The following IKBKB variants were observed in gnomAD, a reference collection of about 807,000 sequenced individuals.
IKBKB encodes the protein inhibitor of nuclear factor kappa B kinase subunit beta.
In IKBKB, 42 loss-of-function variants were observed where a neutral mutation model predicts 113.6. That is an observed-to-expected ratio of 0.37 (90% CI 0.29 to 0.48). The LOEUF (loss-of-function observed/expected upper bound fraction) is 0.48, where lower values mean the gene tolerates loss of function less well. IKBKB is among the 20% of genes least tolerant of loss of function. The pLI is 0.99. For synonymous variants in IKBKB, 296 were observed against 361.3 expected (o/e 0.82, Z 2.05); for missense variants, 673 against 939.7 (o/e 0.72, Z 3.71).
intron 2 of IKBKB, among the ~76,000 whole-genome samples, chr8:42,282,400 T>G (rs1563301814): frequency 6.6e-6 from 1 of 152,094 alleles, no homozygotes; most frequent in Non-Finnish European, 1.5e-5. Context: ...AGAGACAGAG[T>G]CTTGCCATAT....
At chr8:42,310,587 T>A (rs1431138021) in intron 8 of IKBKB, among the ~76,000 whole-genome samples, 1 of 152,246 alleles carries the variant, frequency 6.6e-6, no homozygotes, top group Non-Finnish European at 1.5e-5. Flanking sequence ...CAAAAAATTA[T>A]TATTTTGAAC....
rs977745627 is a variant in IKBKB at position 42,288,490 on chromosome 8, C to T, written c.106-144C>T. 17 of 552,244 alleles carry T rather than the reference C, an allele frequency of 3.1e-5. No individual in the cohort carries two copies. The South Asian group carries it at 3.1e-4, about 10-fold the overall frequency. The allele number at this position is 552,244 out of a possible 1,614,324, so 34.2% of individuals were successfully genotyped here. On this transcript the variant is annotated intron_variant, in intron 2 of 21. Transcript: ENST00000520810. ...CAAAGGGCAGGTGCTACGTGGCTGT[C>T]GATCAGGGTGTACATGTGACCTTGG...
At chr8:42,323,580 G>A (rs1820174097) in intron 19 of IKBKB, among the ~76,000 whole-genome samples, 1 of 152,200 alleles carries the variant, frequency 6.6e-6, no homozygotes, top group Non-Finnish European at 1.5e-5. Flanking sequence ...GAAGGAGAGA[G>A]GGAGATGGTT....
Position 42,288,649 on chromosome 8 carries a change from A to T in IKBKB, c.121A>T (p.Ile41Phe). 6.2e-7 allele frequency: 1 copy of T among 1,610,762 alleles called. No homozygotes were observed. The highest frequency in any genetic ancestry group is 8.5e-7 in the Non-Finnish European group (1 of 1,178,310). ...RWHNQETGEQ[I>F]AIKQCRQELS... ...GTTTCTGTAGGAAACAGGTGAGCAG[A>T]TTGCCATCAAGCAGTGCCGGCAGGA... The change falls in exon 3 of 22, where the codon ATT becomes TTT. Residue 41 changes from isoleucine to phenylalanine, a missense_variant. Transcript: ENST00000520810.
Position 42,326,002 on chromosome 8 carries a change from G to A in IKBKB, c.2019G>A (p.Pro673=), listed in dbSNP as rs145120893. Residue 673 remains proline (P), a synonymous_variant, in exon 20 of 22, where the codon CCG becomes CCA. Transcript: ENST00000520810. ...SKVRGPVSGS[P]DSMNASRLSQ... ...TCCGTGGTCCTGTCAGTGGAAGCCC[G>A]GATAGCATGAATGCCTCTCGACTTA... The A allele has an allele frequency of 1.3e-5, 21 of 1,614,186 alleles. No individual in the cohort carries two copies. Among genetic ancestry groups the A allele is most frequent in the East Asian group, 2.2e-5 (1 of 44,880 alleles).
chr8:42,291,568 G>A (rs1160692004), intron 4 of IKBKB, among the ~76,000 whole-genome samples: 2 of 152,208 alleles, frequency 1.3e-5, no homozygotes, highest in Non-Finnish European at 2.9e-5. Flanking sequence ...TAGTGGGGGC[G>A]GGAGCCCAGG....
chr8:42,280,179 A>G (rs970318684), intron 2 of IKBKB, among the ~76,000 whole-genome samples: 2 of 152,120 alleles, frequency 1.3e-5, no homozygotes, highest in Non-Finnish European at 2.9e-5. Flanking sequence ...CAAAACACTT[A>G]TAAGTCTTCC....
Position 42,316,191 on chromosome 8 carries a change from A to C in IKBKB, c.801-19A>C, listed in dbSNP as rs570415292. 6.2e-7 allele frequency: 1 copy of C among 1,613,262 alleles called. No homozygotes were observed. The highest frequency in any genetic ancestry group is 1.3e-5 in the African/African-American group (1 of 75,026). On this transcript the variant is annotated intron_variant, in intron 9 of 21. Transcript: ENST00000520810. This position sits in a 1 kb window ranked among gnomAD's most constrained non-coding sequence, Gnocchi z 4.5. ...ATTGGCTGGAAGTGTCTCCTCACAC[A>C]CTATGCTCCTCTCCACAGTGTCCTG...
intron 2 of IKBKB, among the ~76,000 whole-genome samples, chr8:42,286,090 TA>T (rs938988157): frequency 1.3e-5 from 2 of 152,058 alleles, no homozygotes; most frequent in South Asian, 2.1e-4. Context: ...ATAGAGCTGT[TA>T]AAAAAAAGTA....
chr8:42,320,608 C>G lies in IKBKB; in HGVS notation c.1579-127C>G, dbSNP rs1214906343. On this transcript the variant is annotated intron_variant, in intron 15 of 21. Transcript: ENST00000520810. ...CCATTCAGACCCCACAGTCCACATTCCTTTGAGCCAGTCCATTGAGGGTCC... is the reference window on the plus strand; with the variant it reads ...CCATTCAGACCCCACAGTCCACATTGCTTTGAGCCAGTCCATTGAGGGTCC... 3 of 755,078 alleles carry G rather than the reference C, an allele frequency of 4.0e-6. No individual in the cohort carries two copies. The African/African-American group carries it at 5.2e-5, about 13-fold the overall frequency. The allele number at this position is 755,078 out of a possible 1,614,324, so 46.8% of individuals were successfully genotyped here.
Position 42,271,437 on chromosome 8 carries a change from A to T in IKBKB, c.-51A>T. On this transcript the variant is annotated 5_prime_UTR_variant, in exon 1 of 22. Coordinates refer to ENST00000520810, the MANE Select transcript of IKBKB (RefSeq NM_001556.3). ...CAGCCCCGCCTTCCCCGCCCCGGGG[A>T]GCCCGCCCCCTGCCCCGCGTCCCTG... 1.9e-6 allele frequency: 2 copies of T among 1,043,568 alleles called. No homozygotes were observed. Among genetic ancestry groups the T allele is most frequent in the Non-Finnish European group, 2.7e-6 (2 of 750,522 alleles). The allele number at this position is 1,043,568 out of a possible 1,614,324, so 64.6% of individuals were successfully genotyped here. A position where few individuals can be genotyped will look rare whatever the true frequency, so the allele number is the denominator to read the frequency against.
At chr8:42,288,810 T>C (rs2130289291) in intron 3 of IKBKB, 82 bp downstream of exon 3, 2 of 1,160,966 alleles carry the variant, frequency 1.7e-6, no homozygotes, top group Non-Finnish European at 2.5e-6. Flanking sequence ...TCTTGCTGGG[T>C]GCGTGGCTCA....
rs200019365 is a variant in IKBKB at position 42,322,118 on chromosome 8, C to T, written c.1803C>T (p.Phe601=). The change falls in exon 18 of 22, where the codon TTC becomes TTT. Residue 601 remains phenylalanine (F), a synonymous_variant. Transcript: ENST00000520810. The stretch of plus-strand genomic sequence containing the variant: ...TGCTGCTTCAGGCAATTCAGAGCTT[C>T]GAGAAGAAAGTGCGAGTGATCTATA... ...VRLLLQAIQS[F]EKKVRVIYTQ... 11 of 1,613,820 alleles carry T rather than the reference C, an allele frequency of 6.8e-6. No individual in the cohort carries two copies. The highest frequency in any genetic ancestry group is 9.3e-6 in the Non-Finnish European group (11 of 1,179,976).
chr8:42,279,569 A>C (rs1362512636), intron 2 of IKBKB, among the ~76,000 whole-genome samples: 3 of 152,190 alleles, frequency 2.0e-5, no homozygotes, highest in Admixed American at 1.3e-4. Flanking sequence ...CAGCCCTCAC[A>C]ACTCTGAAAG....
intron 3 of IKBKB, 25 bp from the exon 4 acceptor site, chr8:42,290,131 C>T (rs1037334197): frequency 3.2e-6 from 5 of 1,548,574 alleles, no homozygotes; most frequent in Middle Eastern, 1.7e-4. Context: ...CCTGGGTCTG[C>T]TCTCATCGGT....
At position 42,301,115 on chromosome 8, in the gene IKBKB, C is replaced by T. The variant is rs149068712; in HGVS notation, c.389-4072C>T. 5.3e-3 allele frequency among the ~76,000 whole-genome samples: 813 copies of T among 152,264 alleles called. 12 individuals are homozygous for T. Among genetic ancestry groups the T allele is most frequent in the African/African-American group, 0.017 (717 of 41,558 alleles). The stretch of plus-strand genomic sequence containing the variant: ...CAAGGGATCCTCCTCCCTCGGCCTC[C>T]GAAAGTGCTGGGATTACAGGTGTGA... On this transcript the variant is annotated intron_variant, in intron 5 of 21. Coordinates refer to ENST00000520810, the MANE Select transcript of IKBKB (RefSeq NM_001556.3).
chr8:42,294,606 C>G lies in IKBKB; in HGVS notation c.388+1094C>G, dbSNP rs989571509. Among the ~76,000 whole-genome samples the G allele has an allele frequency of 2.0e-5, 3 of 152,298 alleles. No individual in the cohort carries two copies. The Middle Eastern group carries it at 0.01, about 522-fold the overall frequency. On this transcript the variant is annotated intron_variant, in intron 5 of 21. Coordinates refer to ENST00000520810, the MANE Select transcript of IKBKB (RefSeq NM_001556.3). ...GCAATGACATATTTAAGGTTAAGAT[C>G]CAAATAGTCTGACACAGAAAATTCC... is the stretch of plus-strand genomic sequence containing the variant.
intron 19 of IKBKB, chr8:42,325,162 C>T (rs959644902): frequency 2.0e-5 from 19 of 932,226 alleles, no homozygotes; most frequent in Non-Finnish European, 2.4e-5. Flanking sequence ...GATTGGCCGG[C>T]GGTCGTGGGC....
At chr8:42,314,277 G>A (rs150164334) in intron 8 of IKBKB, 45 bp from the exon 9 acceptor site, 66 of 1,335,348 alleles carry the variant, frequency 4.9e-5, no homozygotes, top group South Asian at 1.5e-4. Context: ...ATGTGTCCCC[G>A]TCATAGCAAC....
Sources: allele counts gnomAD v4.1 joint callset (sites outside exome capture counted in the v4.1 genomes callset), GRCh38; gene constraint gnomAD v4.1.1; non-coding constraint Gnocchi (gnomAD v3.1); transcripts MANE v1.5; gene names NCBI Gene and HGNC (gene_info 2026-07-23, HGNC 2026-07-21).